Variants in SLC39A11 observed in about 807,000 individuals in gnomAD.
The protein encoded by SLC39A11 is zinc transporter ZIP11.
A neutral mutation model predicts 36.1 loss-of-function variants in SLC39A11; 33 were observed. The ratio of observed to expected loss-of-function variants is 0.91; its 90% CI spans 0.69 to 1.22. The LOEUF is 1.22. Ranked by LOEUF, SLC39A11 falls within the 50% of genes most tolerant of loss-of-function variation. SLC39A11 has a pLI of 0.00. For synonymous variants in SLC39A11, 166 were observed against 170.3 expected (o/e 0.97, Z 0.20); for missense variants, 432 against 430.3 (o/e 1.00, Z -0.03).
chr17:73,056,829 A>C (rs182874941), intron 3 of SLC39A11, among the ~76,000 whole-genome samples: 15 of 152,338 alleles, frequency 9.8e-5, no homozygotes, highest in Admixed American at 2.6e-4. Flanking sequence ...GTGCTTTTCT[A>C]GAGAAAGAGA....
intron 6 of SLC39A11, among the ~76,000 whole-genome samples, chr17:72,816,324 G>A (rs1248942399): frequency 6.6e-6 from 1 of 152,018 alleles, no homozygotes; most frequent in African/African-American, 2.4e-5. Context: ...AGAGAGTTCT[G>A]TTGTTGTTGT....
At chr17:72,707,037 C>T (rs184468232) in intron 7 of SLC39A11, among the ~76,000 whole-genome samples, 278 of 152,280 alleles carry the variant, frequency 1.8e-3, no homozygotes, top group African/African-American at 6.4e-3. Flanking sequence ...TTGAGATGTG[C>T]TGTAAATGTA....
intron 4 of SLC39A11, among the ~76,000 whole-genome samples, chr17:73,019,869 T>C (rs1288723850): frequency 6.6e-6 from 1 of 152,176 alleles, no homozygotes; most frequent in East Asian, 1.9e-4. Flanking sequence ...TGTTATGTTG[T>C]TTATTAAATA....
chr17:73,055,458 G>T (rs1218831511), intron 3 of SLC39A11, among the ~76,000 whole-genome samples: 1 of 151,272 alleles, frequency 6.6e-6, no homozygotes, highest in Non-Finnish European at 1.5e-5. Flanking sequence ...TTTAGAGAGG[G>T]TCTCACTCAG....
intron 3 of SLC39A11, among the ~76,000 whole-genome samples, chr17:73,033,194 C>T (rs911760195): frequency 2.6e-5 from 4 of 152,164 alleles, no homozygotes; most frequent in Non-Finnish European, 4.4e-5. Flanking sequence ...CCGCGGTAAT[C>T]CTCACTCACT....
At chr17:73,023,148 C>T (rs2058410689) in intron 4 of SLC39A11, among the ~76,000 whole-genome samples, 1 of 152,046 alleles carries the variant, frequency 6.6e-6, no homozygotes, top group South Asian at 2.1e-4. Flanking sequence ...GTCAGGGAAG[C>T]GACCACTGGT....
chr17:72,869,610 C>T (rs1161641442), intron 5 of SLC39A11, among the ~76,000 whole-genome samples: 1 of 152,146 alleles, frequency 6.6e-6, no homozygotes. Flanking sequence ...AAACTCCTGA[C>T]CTCAGGTGAT....
intron 4 of SLC39A11, among the ~76,000 whole-genome samples, chr17:72,984,737 C>T (rs1174976324): frequency 2.0e-5 from 3 of 152,186 alleles, no homozygotes; most frequent in African/African-American, 4.8e-5. Flanking sequence ...GAAGTCTCAC[C>T]GCATCTGGTT....
chr17:72,799,317 A>G (rs1201042622), intron 6 of SLC39A11, among the ~76,000 whole-genome samples: 1 of 152,202 alleles, frequency 6.6e-6, no homozygotes, highest in Non-Finnish European at 1.5e-5. Context: ...TAACTGTACA[A>G]ATTGATTGTA....
At chr17:72,858,956 T>C (rs1010692511) in intron 5 of SLC39A11, among the ~76,000 whole-genome samples, 1 of 152,230 alleles carries the variant, frequency 6.6e-6, no homozygotes, top group African/African-American at 2.4e-5. Context: ...AATAGTTTGA[T>C]TTCCTGTCTT....
intron 6 of SLC39A11, among the ~76,000 whole-genome samples, chr17:72,804,609 G>C (rs979728842): frequency 6.6e-6 from 1 of 152,166 alleles, no homozygotes; most frequent in Non-Finnish European, 1.5e-5. Context: ...TATAGTAAGC[G>C]GGGCCTCAAA....
At chr17:72,796,342 A>G (rs1200166209) in intron 6 of SLC39A11, among the ~76,000 whole-genome samples, 1 of 152,180 alleles carries the variant, frequency 6.6e-6, no homozygotes, top group Non-Finnish European at 1.5e-5. Context: ...CAGGGAAGCC[A>G]GCCAGTAGGT....
At chr17:72,872,756 G>T (rs2080702066) in intron 5 of SLC39A11, among the ~76,000 whole-genome samples, 1 of 152,102 alleles carries the variant, frequency 6.6e-6, no homozygotes, top group South Asian at 2.1e-4. Flanking sequence ...TTGGCCACCA[G>T]GTTAGAATTA....
At chr17:72,771,504 C>T (rs917036359) in intron 6 of SLC39A11, among the ~76,000 whole-genome samples, 2 of 152,074 alleles carry the variant, frequency 1.3e-5, no homozygotes, top group Non-Finnish European at 2.9e-5. Context: ...GCATACCTGG[C>T]CCTCCAGGCT....
chr17:72,739,144 T>C (rs1411227748), intron 6 of SLC39A11, among the ~76,000 whole-genome samples: 2 of 128,932 alleles, frequency 1.6e-5, no homozygotes, highest in Non-Finnish European at 3.4e-5. Context: ...TTTTTTTTTT[T>C]TGAGACACAG....
intron 5 of SLC39A11, among the ~76,000 whole-genome samples, chr17:72,888,874 T>G (rs904417230): frequency 6.6e-6 from 1 of 151,924 alleles, no homozygotes; most frequent in Non-Finnish European, 1.5e-5. Flanking sequence ...TACACTCCAA[T>G]CTGTGTGGTA....
At chr17:72,648,694 G>T (rs540027165) in intron 9 of SLC39A11, 109 bp downstream of exon 9, 34 of 1,332,086 alleles carry the variant, frequency 2.6e-5, no homozygotes, top group South Asian at 2.1e-4. Flanking sequence ...GGGGCAGAGA[G>T]GGGGAGGGAA....
At chr17:73,008,853 A>C (rs1375534672) in intron 4 of SLC39A11, among the ~76,000 whole-genome samples, 1 of 151,222 alleles carries the variant, frequency 6.6e-6, no homozygotes, top group Non-Finnish European at 1.5e-5. Context: ...CAGGAGTTCA[A>C]GACCAGCCTG....
chr17:72,747,583 GTC>G (rs1219767524), intron 6 of SLC39A11, among the ~76,000 whole-genome samples: 2 of 152,216 alleles, frequency 1.3e-5, no homozygotes, highest in Non-Finnish European at 2.9e-5. Context: ...CCTGGCCACA[GTC>G]TATCAGGAGA....
Sources: allele counts gnomAD v4.1 joint callset (sites outside exome capture counted in the v4.1 genomes callset), GRCh38; gene constraint gnomAD v4.1.1; transcripts MANE v1.5; gene names NCBI Gene and HGNC (gene_info 2026-07-23, HGNC 2026-07-21).